The following NXPE3 variants were observed in gnomAD, a reference collection of about 807,000 sequenced individuals.
NXPE3 encodes the protein neurexophilin and PC-esterase domain family member 3.
Under a neutral mutation model 46.1 loss-of-function variants are expected in NXPE3, and 26 were observed. The observed-to-expected ratio is 0.56, with a 90% confidence interval of 0.41 to 0.78. The LOEUF is 0.78. Ranked by LOEUF, NXPE3 falls within the 30% of genes least tolerant of loss-of-function variation. The pLI is 0.00. For synonymous variants in NXPE3, 272 were observed against 257.9 expected (o/e 1.05, Z -0.52); for missense variants, 620 against 686.0 (o/e 0.90, Z 1.07).
chr3:101,804,317 C>T (rs1941307949), intron 5 of NXPE3, among the ~76,000 whole-genome samples: 1 of 152,124 alleles, frequency 6.6e-6, no homozygotes, highest in African/African-American at 2.4e-5. Context: ...AAAAAAGCAC[C>T]CGTGAACCCA....
chr3:101,794,250 A>C (rs1482197878), intron 4 of NXPE3, among the ~76,000 whole-genome samples: 1 of 152,120 alleles, frequency 6.6e-6, no homozygotes, highest in Non-Finnish European at 1.5e-5. Context: ...GGAGAGGATG[A>C]GATCTAGAGC....
chr3:101,826,078 A>T lies in NXPE3; in HGVS notation c.*4124A>T, dbSNP rs1411316194. On this transcript the variant is annotated 3_prime_UTR_variant, in exon 8 of 8. Transcript: ENST00000273347. Reference sequence around the variant, plus strand: ...TGACACTTCCTGGATTCAGTTATTAAGTTTCAGATTGAAACTTGATCCAGT... The same window carrying T: ...TGACACTTCCTGGATTCAGTTATTATGTTTCAGATTGAAACTTGATCCAGT... 1 of 152,320 alleles carries T rather than the reference A, an allele frequency of 6.6e-6. No homozygotes were observed. The highest frequency in any genetic ancestry group is 6.5e-5 in the Admixed American group (1 of 15,294). The allele number at this position is 152,320 out of a possible 1,614,324, so 9.4% of individuals were successfully genotyped here. A position where few individuals can be genotyped will look rare whatever the true frequency, so the allele number is the denominator to read the frequency against.
At chr3:101,813,057 C>T (rs1244794109) in intron 6 of NXPE3, among the ~76,000 whole-genome samples, 1 of 152,000 alleles carries the variant, frequency 6.6e-6, no homozygotes, top group Non-Finnish European at 1.5e-5. Flanking sequence ...TGTAGCTGGG[C>T]CCTTCTCATA....
intron 6 of NXPE3, among the ~76,000 whole-genome samples, chr3:101,813,380 T>C (rs1396941861): frequency 6.6e-6 from 1 of 152,198 alleles, no homozygotes; most frequent in Admixed American, 6.5e-5. Context: ...CAATTCACGT[T>C]GTGTCCTTTT....
At chr3:101,795,919 C>T (rs182724029) in intron 4 of NXPE3, among the ~76,000 whole-genome samples, 29 of 152,282 alleles carry the variant, frequency 1.9e-4, no homozygotes, top group Middle Eastern at 3.4e-3. Flanking sequence ...AGAGCAATGG[C>T]GTTTTTGCTT....
intron 6 of NXPE3, among the ~76,000 whole-genome samples, chr3:101,808,841 A>ATG (rs1941564901): frequency 1.6e-5 from 2 of 123,382 alleles, no homozygotes; most frequent in South Asian, 2.6e-4. Flanking sequence ...ATATATATAT[A>ATG]TATATATATA....
At chr3:101,806,409 A>T (rs1380736687) in intron 5 of NXPE3, among the ~76,000 whole-genome samples, 1 of 152,044 alleles carries the variant, frequency 6.6e-6, no homozygotes, top group African/African-American at 2.4e-5. Context: ...ATATTTACTG[A>T]GTGTGGACTC....
intron 1 of NXPE3, among the ~76,000 whole-genome samples, chr3:101,780,562 A>G (rs1241845096): frequency 1.3e-5 from 2 of 152,002 alleles, no homozygotes; most frequent in Non-Finnish European, 2.9e-5. Flanking sequence ...TCATCTAGGG[A>G]CCTTTTTAAA....
intron 5 of NXPE3, among the ~76,000 whole-genome samples, chr3:101,803,370 G>A (rs1223057439): frequency 1.3e-5 from 2 of 152,046 alleles, no homozygotes; most frequent in Non-Finnish European, 2.9e-5. Flanking sequence ...GCCAGCAGAG[G>A]GAGCACTACT....
chr3:101,786,016 A>G (rs904111896), intron 4 of NXPE3, among the ~76,000 whole-genome samples: 3 of 152,214 alleles, frequency 2.0e-5, no homozygotes, highest in African/African-American at 7.2e-5. Context: ...AAAGGGAGCT[A>G]TTCTAGGATA....
chr3:101,792,354 TG>T (rs1291383816), intron 4 of NXPE3, among the ~76,000 whole-genome samples: 5 of 152,240 alleles, frequency 3.3e-5, no homozygotes, highest in South Asian at 4.1e-4. Context: ...ATGTCTGGGA[TG>T]GTATTGCCTA....
intron 5 of NXPE3, among the ~76,000 whole-genome samples, chr3:101,805,778 G>A (rs1941389413): frequency 6.6e-6 from 1 of 151,994 alleles, no homozygotes; most frequent in African/African-American, 2.4e-5. Flanking sequence ...CTTTCCATGT[G>A]ATTAGATTGA....
In NXPE3 at chr3:101,779,218, C is replaced by A. The variant is rs1313082832; in HGVS notation, c.-604C>A. The A allele has an allele frequency of 6.6e-6, 1 of 152,246 alleles. No individual in the cohort carries two copies. The highest frequency in any genetic ancestry group is 2.4e-5 in the African/African-American group (1 of 41,448). The allele number at this position is 152,246 out of a possible 1,614,324, so 9.4% of individuals were successfully genotyped here. ...TAGCCGGGGGTCGGAGGTGAGGAGACGTCGCCGGGTGAGGAAGCGGGGGGC... is the reference window on the plus strand; with the variant it reads ...TAGCCGGGGGTCGGAGGTGAGGAGAAGTCGCCGGGTGAGGAAGCGGGGGGC... On this transcript the variant is annotated 5_prime_UTR_variant, in exon 1 of 8. Transcript: ENST00000273347.
intron 4 of NXPE3, among the ~76,000 whole-genome samples, chr3:101,787,846 C>T (rs538610186): frequency 6.6e-6 from 1 of 152,290 alleles, no homozygotes; most frequent in Admixed American, 6.5e-5. Context: ...TTGTTTCTAC[C>T]TTTTGGCTAT....
At chr3:101,800,847 A>C (rs1188343920) in intron 4 of NXPE3, among the ~76,000 whole-genome samples, 1 of 152,074 alleles carries the variant, frequency 6.6e-6, no homozygotes, top group Non-Finnish European at 1.5e-5. Flanking sequence ...AGCATGGTAT[A>C]TCTTTCTCCA....
chr3:101,819,647 G>C (rs942575074), intron 7 of NXPE3, among the ~76,000 whole-genome samples: 2 of 152,084 alleles, frequency 1.3e-5, no homozygotes, highest in Non-Finnish European at 2.9e-5. Flanking sequence ...TTAATCAACA[G>C]ATAAGTATAT....
rs367839709 is a variant in NXPE3 at position 101,806,922 on chromosome 3, A to T, written c.849-131A>T. 15 of 684,482 alleles carry T rather than the reference A, an allele frequency of 2.2e-5. No individual in the cohort carries two copies. The African/African-American group carries it at 2.5e-4, about 12-fold the overall frequency. The allele number at this position is 684,482 out of a possible 1,614,324, so 42.4% of individuals were successfully genotyped here. ...CCCAGTTTATTATTTTGTGTTGGTT[A>T]ACATTCATAAGTATATTTCATCATA... On this transcript the variant is annotated intron_variant, in intron 5 of 7. Transcript: ENST00000273347.
chr3:101,814,876 G>A (rs1941900347), intron 6 of NXPE3, among the ~76,000 whole-genome samples: 1 of 152,116 alleles, frequency 6.6e-6, no homozygotes, highest in African/African-American at 2.4e-5. Flanking sequence ...CATGGGCTTT[G>A]GGCTCACTTG....
chr3:101,794,901 G>A (rs1940738699), intron 4 of NXPE3, among the ~76,000 whole-genome samples: 1 of 152,224 alleles, frequency 6.6e-6, no homozygotes, highest in Non-Finnish European at 1.5e-5. Flanking sequence ...ACTGAATGGA[G>A]AAGGCAGGTA....
Sources: gnomAD v4.1 joint callset for allele counts (sites outside exome capture counted in the v4.1 genomes callset) on GRCh38, gnomAD v4.1.1 for gene constraint, MANE v1.5 for transcripts, NCBI Gene and HGNC (gene_info 2026-07-23, HGNC 2026-07-21) for gene names.